Variants in ARHGAP42 observed in about 807,000 individuals in gnomAD.
ARHGAP42 encodes rho GTPase-activating protein 42.
In ARHGAP42, 63 loss-of-function variants were observed where a neutral mutation model predicts 125.0. The ratio of observed to expected loss-of-function variants is 0.50; its 90% CI spans 0.41 to 0.62. The LOEUF is 0.62. Ranked by LOEUF, ARHGAP42 falls within the 20% of genes least tolerant of loss-of-function variation. The pLI, the probability that ARHGAP42 is intolerant of heterozygous loss-of-function variation, is 0.00. For synonymous variants in ARHGAP42, 339 were observed against 351.0 expected (o/e 0.97, Z 0.38); for missense variants, 766 against 1,024.2 (o/e 0.75, Z 3.44).
At chr11:100,801,083 A>G (rs1372811169) in intron 3 of ARHGAP42, among the ~76,000 whole-genome samples, 1 of 152,188 alleles carries the variant, frequency 6.6e-6, no homozygotes, top group East Asian at 1.9e-4. Flanking sequence ...TCCAGAGAGC[A>G]TTTCCTTTGA....
At chr11:100,830,656 T>A (rs1864643757) in intron 3 of ARHGAP42, among the ~76,000 whole-genome samples, 1 of 152,202 alleles carries the variant, frequency 6.6e-6, no homozygotes, top group African/African-American at 2.4e-5. Flanking sequence ...CCAATATTCT[T>A]GTCAGATTGT....
chr11:100,776,252 T>C (rs1330912103), intron 2 of ARHGAP42, among the ~76,000 whole-genome samples: 1 of 152,192 alleles, frequency 6.6e-6, no homozygotes, highest in Non-Finnish European at 1.5e-5. Context: ...ATTCATTCTA[T>C]GTAATCTTGG....
At chr11:100,930,682 T>G (rs1867551724) in intron 6 of ARHGAP42, among the ~76,000 whole-genome samples, 1 of 152,208 alleles carries the variant, frequency 6.6e-6, no homozygotes, top group South Asian at 2.1e-4. Flanking sequence ...ACCAGGATCT[T>G]ATTTTTTAGA....
At chr11:100,886,534 G>A (rs997521508) in intron 4 of ARHGAP42, among the ~76,000 whole-genome samples, 3 of 152,132 alleles carry the variant, frequency 2.0e-5, no homozygotes, top group Non-Finnish European at 2.9e-5. Context: ...ACAAGATTTA[G>A]AAATAGCTCT....
intron 5 of ARHGAP42, among the ~76,000 whole-genome samples, chr11:100,917,286 T>G (rs562419741): frequency 4.0e-4 from 61 of 152,280 alleles, no homozygotes; most frequent in African/African-American, 1.3e-3. Flanking sequence ...TGAAGTAAAG[T>G]CCTTAGGCAT....
At chr11:100,979,617 G>A (rs1858479875) in intron 22 of ARHGAP42, among the ~76,000 whole-genome samples, 1 of 151,670 alleles carries the variant, frequency 6.6e-6, no homozygotes, top group Non-Finnish European at 1.5e-5. Flanking sequence ...TACTCTTCTT[G>A]CTTTCAAATT....
At chr11:100,750,372 AT>A (rs1408036317) in intron 1 of ARHGAP42, among the ~76,000 whole-genome samples, 1 of 150,052 alleles carries the variant, frequency 6.7e-6, no homozygotes, top group Non-Finnish European at 1.5e-5. Context: ...ACTAATTACG[AT>A]TGGCTAATTT....
intron 1 of ARHGAP42, among the ~76,000 whole-genome samples, chr11:100,763,392 T>C (rs1862755893): frequency 6.6e-6 from 1 of 152,186 alleles, no homozygotes; most frequent in African/African-American, 2.4e-5. Context: ...CAAAAACAGA[T>C]GAATATATAC....
intron 3 of ARHGAP42, among the ~76,000 whole-genome samples, chr11:100,849,695 C>T (rs966941599): frequency 7.9e-5 from 12 of 152,108 alleles, no homozygotes; most frequent in Middle Eastern, 3.4e-3. Context: ...CTCAGAGATC[C>T]TTAAAATGTT....
intron 3 of ARHGAP42, among the ~76,000 whole-genome samples, chr11:100,832,881 A>G (rs1864695192): frequency 1.3e-5 from 2 of 152,212 alleles, no homozygotes; most frequent in Non-Finnish European, 2.9e-5. Context: ...ATTGGCTCTG[A>G]AATGTGACAT....
intron 12 of ARHGAP42, among the ~76,000 whole-genome samples, chr11:100,957,954 A>G (rs1255831008): frequency 2.0e-5 from 3 of 152,048 alleles, no homozygotes; most frequent in African/African-American, 7.2e-5. Flanking sequence ...AGGAAGTTCT[A>G]TTGAAATTTT....
chr11:100,908,935 G>T (rs1044972761), intron 4 of ARHGAP42, among the ~76,000 whole-genome samples: 3 of 152,204 alleles, frequency 2.0e-5, no homozygotes, highest in Admixed American at 2.0e-4. Context: ...TGACTGATGT[G>T]AGATGGTATC....
At chr11:100,721,621 C>T (rs574301326) in intron 1 of ARHGAP42, among the ~76,000 whole-genome samples, 3 of 151,918 alleles carry the variant, frequency 2.0e-5, no homozygotes, top group East Asian at 1.9e-4. Flanking sequence ...TACAGGCACC[C>T]GCCGCCACGC....
At chr11:100,896,690 G>GT (rs1359316892) in intron 4 of ARHGAP42, among the ~76,000 whole-genome samples, 1 of 152,028 alleles carries the variant, frequency 6.6e-6, no homozygotes, top group Admixed American at 6.6e-5. Flanking sequence ...GAGGTTCTTT[G>GT]TTTTTTTCTT....
intron 21 of ARHGAP42, among the ~76,000 whole-genome samples, chr11:100,978,620 T>C (rs1858450368): frequency 6.6e-6 from 1 of 152,214 alleles, no homozygotes; most frequent in Non-Finnish European, 1.5e-5. Context: ...TTTTGTCATG[T>C]TGATTTGATT....
intron 4 of ARHGAP42, among the ~76,000 whole-genome samples, chr11:100,869,517 A>G (rs543030418): frequency 1.3e-5 from 2 of 151,880 alleles, no homozygotes; most frequent in African/African-American, 2.4e-5. Flanking sequence ...ACCAAATGAC[A>G]TTTCCTAGAA....
intron 8 of ARHGAP42, 134 bp downstream of exon 8, chr11:100,936,466 A>G: frequency 2.4e-6 from 3 of 1,224,670 alleles, no homozygotes; most frequent in South Asian, 1.6e-5. Context: ...TCCCCCCACC[A>G]CAACCAAAGT....
chr11:100,818,702 G>T (rs748385512), intron 3 of ARHGAP42, among the ~76,000 whole-genome samples: 1 of 152,216 alleles, frequency 6.6e-6, no homozygotes, highest in South Asian at 2.1e-4. Context: ...GCAGTGAAAG[G>T]CATACTGGTA....
In ARHGAP42 at chr11:100,992,760, C is replaced by T; in HGVS notation, c.*3959C>T. ...TTTTTATTTTTTGAGGGCAGCTGCCCTCACTGTTTTAAATAAAGAATCTTA... is the reference window on the plus strand; with the variant it reads ...TTTTTATTTTTTGAGGGCAGCTGCCTTCACTGTTTTAAATAAAGAATCTTA... On this transcript the variant is annotated 3_prime_UTR_variant, in exon 24 of 24. Coordinates refer to ENST00000298815, the MANE Select transcript of ARHGAP42 (RefSeq NM_152432.4). 6.7e-7 allele frequency: 1 copy of T among 1,495,570 alleles called. No individual in the cohort carries two copies. Among genetic ancestry groups the T allele is most frequent in the Non-Finnish European group, 9.0e-7 (1 of 1,114,914 alleles). 92.6% of individuals were successfully genotyped at this position (1,495,570 alleles called of 1,614,324 possible). A position where few individuals can be genotyped will look rare whatever the true frequency, so the allele number is the denominator to read the frequency against.
Sources: gnomAD v4.1 joint callset for allele counts (sites outside exome capture counted in the v4.1 genomes callset) on GRCh38, gnomAD v4.1.1 for gene constraint, MANE v1.5 for transcripts, NCBI Gene and HGNC (gene_info 2026-07-23, HGNC 2026-07-21) for gene names.